The following CDKAL1 variants were observed in gnomAD, a reference collection of about 807,000 sequenced individuals.
CDKAL1 encodes the protein CDKAL1 threonylcarbamoyladenosine tRNA methylthiotransferase.
A neutral mutation model predicts 68.2 loss-of-function variants in CDKAL1; 32 were observed. The ratio of observed to expected loss-of-function variants is 0.47; its 90% confidence interval spans 0.35 to 0.63. The LOEUF (loss-of-function observed/expected upper bound fraction) is 0.63. Among genes scored for constraint, CDKAL1 ranks in the 30% least tolerant of loss-of-function variants. CDKAL1 has a pLI of 0.00. For missense variants in CDKAL1, 606 were observed against 696.7 expected (o/e 0.87, Z 1.47); for synonymous variants, 234 against 244.3 (o/e 0.96, Z 0.39).
intron 8 of CDKAL1, among the ~76,000 whole-genome samples, chr6:20,826,657 C>T (rs181446727): frequency 2.6e-5 from 4 of 152,232 alleles, no homozygotes; most frequent in East Asian, 1.9e-4. Context: ...TCACGAACTC[C>T]GTCCTTCCTC....
At chr6:21,165,135 C>T (rs1413238606) in intron 13 of CDKAL1, among the ~76,000 whole-genome samples, 1 of 152,212 alleles carries the variant, frequency 6.6e-6, no homozygotes, top group Non-Finnish European at 1.5e-5. Flanking sequence ...CAAAGATGAC[C>T]TCTTCACATC....
chr6:20,782,840 A>C (rs1337248510), intron 8 of CDKAL1, among the ~76,000 whole-genome samples: 1 of 152,220 alleles, frequency 6.6e-6, no homozygotes, highest in South Asian at 2.1e-4. Context: ...GGACTATGCT[A>C]AATTATCATC....
At position 20,965,116 on chromosome 6, in the gene CDKAL1, G is replaced by T. The variant is rs915752736; in HGVS notation, c.909+9531G>T. Among the ~76,000 whole-genome samples, 43 of 152,080 alleles carry T rather than the reference G, an allele frequency of 2.8e-4. 2 individuals are homozygous for T. Among genetic ancestry groups the T allele is most frequent in the Non-Finnish European group, 5.9e-5 (4 of 68,010 alleles). Reference sequence around the variant, plus strand: ...GCTTGAGGTCAGGAGTTTGAGACCAGCCTGTTCAATACAGTGAGATCCGTC... The same window carrying T: ...GCTTGAGGTCAGGAGTTTGAGACCATCCTGTTCAATACAGTGAGATCCGTC... On this transcript the variant is annotated intron_variant, in intron 10 of 15. Coordinates refer to ENST00000274695, the MANE Select transcript of CDKAL1 (RefSeq NM_017774.3).
chr6:21,121,235 CA>C (rs1490396235), intron 13 of CDKAL1, among the ~76,000 whole-genome samples: 1 of 152,130 alleles, frequency 6.6e-6, no homozygotes, highest in Non-Finnish European at 1.5e-5. Flanking sequence ...GCCACAAAAA[CA>C]GAGTGATTTG....
chr6:21,179,234 A>G (rs1369605049), intron 13 of CDKAL1, among the ~76,000 whole-genome samples: 1 of 152,180 alleles, frequency 6.6e-6, no homozygotes, highest in African/African-American at 2.4e-5. Flanking sequence ...GTGGGAGAGA[A>G]TGAGACCTTA....
At chr6:20,557,385 A>G (rs1253427070) in intron 4 of CDKAL1, among the ~76,000 whole-genome samples, 2 of 152,166 alleles carry the variant, frequency 1.3e-5, no homozygotes, top group African/African-American at 2.4e-5. Context: ...TTATAGATAT[A>G]GTTGAATCTT....
chr6:20,850,780 A>G (rs1758964356), intron 9 of CDKAL1, among the ~76,000 whole-genome samples: 1 of 152,186 alleles, frequency 6.6e-6, no homozygotes, highest in South Asian at 2.1e-4. Flanking sequence ...GAATGAGGAG[A>G]CTAAAGGCTA....
At chr6:21,072,773 C>T (rs889683948) in intron 12 of CDKAL1, among the ~76,000 whole-genome samples, 1 of 151,314 alleles carries the variant, frequency 6.6e-6, no homozygotes, top group Non-Finnish European at 1.5e-5. Flanking sequence ...TGTTTCCTGC[C>T]CCTACACATG....
At chr6:20,851,696 A>G (rs1181518146) in intron 9 of CDKAL1, among the ~76,000 whole-genome samples, 1 of 151,904 alleles carries the variant, frequency 6.6e-6, no homozygotes, top group African/African-American at 2.4e-5. Flanking sequence ...GATTTCGATT[A>G]ATTTCGATAT....
intron 6 of CDKAL1, 21 bp from the exon 7 acceptor site, chr6:20,758,574 A>G (rs745545358): frequency 1.9e-5 from 30 of 1,582,478 alleles, no homozygotes; most frequent in Admixed American, 7.2e-5. Flanking sequence ...TACTTGTGTA[A>G]TCGTTTTTTT....
chr6:21,031,455 C>T (rs1426385583), intron 11 of CDKAL1, among the ~76,000 whole-genome samples: 1 of 151,770 alleles, frequency 6.6e-6, no homozygotes, highest in Non-Finnish European at 1.5e-5. Flanking sequence ...CTGTAAGATC[C>T]CTTCACAGCA....
At chr6:20,857,155 T>C (rs1053829593) in intron 9 of CDKAL1, among the ~76,000 whole-genome samples, 3 of 152,244 alleles carry the variant, frequency 2.0e-5, no homozygotes, top group Non-Finnish European at 4.4e-5. Context: ...TTTTTATTTC[T>C]CGTGGTGAGT....
chr6:20,559,416 G>A (rs1448923973), intron 4 of CDKAL1: 3 of 152,116 alleles, frequency 2.0e-5, no homozygotes, highest in Non-Finnish European at 2.9e-5. Context: ...AACTCTCATG[G>A]CAATTAAAGT....
chr6:20,784,198 C>T (rs116580750), intron 8 of CDKAL1, among the ~76,000 whole-genome samples: 1 of 149,438 alleles, frequency 6.7e-6, no homozygotes, highest in East Asian at 2.0e-4. Context: ...GGAGATAGAG[C>T]TAGACTCCGT....
In CDKAL1 at chr6:20,537,965, T is replaced by C. The variant is rs7774291; in HGVS notation, c.-6+2571T>C. Among the ~76,000 whole-genome samples the C allele has an allele frequency of 3.6e-3, 555 of 152,340 alleles. 6 individuals carry two copies. Among genetic ancestry groups the C allele is most frequent in the African/African-American group, 0.013 (533 of 41,580 alleles). ...ATGAGTGAGATTATTTAGGTACTTA[T>C]GATATACAGCCAGGTTTATGCTACA... On this transcript the variant is annotated intron_variant, in intron 2 of 15. Transcript: ENST00000274695.
chr6:20,989,687 G>T (rs914293257), intron 10 of CDKAL1, among the ~76,000 whole-genome samples: 1 of 152,164 alleles, frequency 6.6e-6, no homozygotes, highest in Non-Finnish European at 1.5e-5. Context: ...AGGCAATTGT[G>T]TGTGGATTTT....
intron 8 of CDKAL1, among the ~76,000 whole-genome samples, chr6:20,795,080 A>G (rs1446749206): frequency 6.6e-6 from 1 of 152,052 alleles, no homozygotes; most frequent in Non-Finnish European, 1.5e-5. Context: ...TGGACTTCAT[A>G]TCACCTTGTT....
intron 13 of CDKAL1, among the ~76,000 whole-genome samples, chr6:21,140,902 A>T (rs570985349): frequency 3.3e-5 from 5 of 152,294 alleles, no homozygotes; most frequent in South Asian, 4.1e-4. Flanking sequence ...GGCAAAAGGC[A>T]CTTCTTACAT....
chr6:20,683,976 A>G (rs79332812), intron 5 of CDKAL1, among the ~76,000 whole-genome samples: 5,644 of 152,186 alleles, frequency 0.037, 113 homozygotes, highest in Middle Eastern at 0.082. Flanking sequence ...GCTTTTTTGG[A>G]TGGGTTCCTT....
Sources: gnomAD v4.1 joint callset for allele counts (sites outside exome capture counted in the v4.1 genomes callset) on GRCh38, gnomAD v4.1.1 for gene constraint, MANE v1.5 for transcripts, NCBI Gene and HGNC (gene_info 2026-07-23, HGNC 2026-07-21) for gene names.